Variants in EIF4ENIF1 observed in about 807,000 individuals in gnomAD.
EIF4ENIF1 encodes eukaryotic translation initiation factor 4E transporter.
In EIF4ENIF1, 23 loss-of-function variants were observed where a neutral mutation model predicts 110.5. The ratio of observed to expected loss-of-function variants is 0.21; its 90% CI spans 0.15 to 0.29. EIF4ENIF1 has a LOEUF of 0.29. EIF4ENIF1 is among the 10% of genes least tolerant of loss of function. EIF4ENIF1 has a pLI of 1.00. For synonymous variants in EIF4ENIF1, 440 were observed against 437.0 expected, an observed-to-expected ratio of 1.01 and a Z score of -0.09; for missense variants, 1,031 against 1,221.1, an observed-to-expected ratio of 0.84 and a Z score of 2.32.
At chr22:31,473,099 A>C (rs559291654) in intron 2 of EIF4ENIF1, among the ~76,000 whole-genome samples, 2 of 148,112 alleles carry the variant, frequency 1.4e-5, no homozygotes, top group African/African-American at 5.0e-5. Context: ...AGTAAATTGC[A>C]TAAGTCATGA....
At position 31,463,702 on chromosome 22, in the gene EIF4ENIF1, G is replaced by C. The variant is rs746035214; in HGVS notation, c.564C>G (p.Asp188Glu). The part of the protein sequence containing the change: ...RDLRDRDRER[D>E]FKDKRFRREF... ...AAACCCTGAAACGCTTGTCCTTGAA[G>C]TCCCTCTCTCGGTCTCTGTCTCTCA... Residue 188 changes from aspartate (D) to glutamate (E), a missense_variant, in exon 5 of 19, where the codon GAC becomes GAG. Asp to Glu is a conservative substitution (Grantham distance 45). Transcript: ENST00000330125. 6.4e-7 allele frequency: 1 copy of C among 1,569,710 alleles called. No individual in the cohort carries two copies. The highest frequency in any genetic ancestry group is 2.3e-5 in the East Asian group (1 of 43,866).
In EIF4ENIF1 at chr22:31,441,730, T is replaced by C. The variant is rs1251110385; in HGVS notation, c.2551+44A>G. The C allele has an allele frequency of 3.3e-6, 5 of 1,513,088 alleles. No homozygotes were observed. The African/African-American group carries it at 4.1e-5, about 12-fold the overall frequency. The allele number at this position is 1,513,088 out of a possible 1,614,324, so 93.7% of individuals were successfully genotyped here. On this transcript the variant is annotated intron_variant, in intron 17 of 18. Coordinates refer to ENST00000330125, the MANE Select transcript of EIF4ENIF1 (RefSeq NM_019843.4). ...TTCATCAGTGCCAACAATTGTCCCCTAGGCCCACAAACTGACGACACCCAA... is the reference window on the plus strand; with the variant it reads ...TTCATCAGTGCCAACAATTGTCCCCCAGGCCCACAAACTGACGACACCCAA...
chr22:31,467,552 C>T (rs1434846705), intron 4 of EIF4ENIF1, among the ~76,000 whole-genome samples: 3 of 152,048 alleles, frequency 2.0e-5, no homozygotes, highest in South Asian at 2.1e-4. Context: ...AGGCCGGGCG[C>T]AGTGGCTCAT....
chr22:31,442,122 T>A lies in EIF4ENIF1; in HGVS notation c.2207-4A>T, dbSNP rs779070169. ...GAGCTGGATGACAGGAGGTTTTCTGTGAGGAACCAAACAAAAAATATTTTG... is the reference window on the plus strand; with the variant it reads ...GAGCTGGATGACAGGAGGTTTTCTGAGAGGAACCAAACAAAAAATATTTTG... On this transcript the variant is annotated splice_region_variant and splice_polypyrimidine_tract_variant and intron_variant, in intron 16 of 18. Transcript: ENST00000330125. The A allele has an allele frequency of 6.3e-7, 1 of 1,593,936 alleles. No individual in the cohort carries two copies. The highest frequency in any genetic ancestry group is 8.6e-7 in the Non-Finnish European group (1 of 1,167,680).
chr22:31,468,888 C>T (rs1318246446), intron 3 of EIF4ENIF1, among the ~76,000 whole-genome samples: 6 of 152,206 alleles, frequency 3.9e-5, no homozygotes, highest in African/African-American at 1.4e-4. Flanking sequence ...ACATGGATTA[C>T]AATAACTACG....
chr22:31,441,307 G>A (rs1484702576), intron 17 of EIF4ENIF1, among the ~76,000 whole-genome samples: 1 of 152,084 alleles, frequency 6.6e-6, no homozygotes, highest in Admixed American at 6.6e-5. Context: ...GGAGGCCGAT[G>A]TGGGTGGACT....
In EIF4ENIF1 at chr22:31,454,228, C is replaced by A. The variant is rs1274655612; in HGVS notation, c.1428G>T (p.Lys476Asn). 1 of 1,614,162 alleles carries A rather than the reference C, an allele frequency of 6.2e-7. No homozygotes were observed. The highest frequency in any genetic ancestry group is 1.3e-5 in the African/African-American group (1 of 75,030). The change falls in exon 10 of 19, where the codon AAG becomes AAT. Residue 476 changes from lysine to asparagine, a missense_variant. This residue lies in a region of EIF4ENIF1 where 704 missense variants were observed against 879.7 expected (regional missense o/e 0.80). Transcript: ENST00000330125. ...TGAACGCAGTCATGTCTCCGTCTTT[C>A]TTCAGTTGTCGATTGTTGGTTACGG... ...LSAVTNNRQL[K>N]KDGDMTAFNK...
intron 4 of EIF4ENIF1, among the ~76,000 whole-genome samples, chr22:31,465,597 T>C (rs1204254961): frequency 6.6e-6 from 1 of 152,190 alleles, no homozygotes; most frequent in Admixed American, 6.6e-5. Context: ...TACAACTACT[T>C]TGGAAAACAG....
intron 10 of EIF4ENIF1, 90 bp from the exon 11 acceptor site, chr22:31,450,450 C>T: frequency 9.8e-7 from 1 of 1,016,496 alleles, no homozygotes; most frequent in Non-Finnish European, 1.5e-6. Flanking sequence ...ATAAAATACT[C>T]CTAGGGAGTT....
rs1010630857 is a variant in EIF4ENIF1 at position 31,439,841 on chromosome 22, C to T, written c.*39G>A. ...TGAAGCAGGGTCCTGCCCAGTGTGC[C>T]ACCACAGGTCCGGGCTTAGTTGAGT... On this transcript the variant is annotated 3_prime_UTR_variant, in exon 19 of 19. Transcript: ENST00000330125. 24 of 1,603,512 alleles carry T rather than the reference C, an allele frequency of 1.5e-5. No homozygotes were observed. The highest frequency in any genetic ancestry group is 2.0e-5 in the Non-Finnish European group (23 of 1,178,560).
chr22:31,480,827 G>C lies in EIF4ENIF1; in HGVS notation c.96+7796C>G, dbSNP rs140962829. On this transcript the variant is annotated intron_variant, in intron 2 of 18. Coordinates refer to ENST00000330125, the MANE Select transcript of EIF4ENIF1 (RefSeq NM_019843.4). The stretch of plus-strand genomic sequence containing the variant: ...CGTCTGTAACCCCAGCACTTTAGGA[G>C]ACCAAGGTGGGCAGATCACTTGAGG... Among the ~76,000 whole-genome samples the C allele has an allele frequency of 2.8e-3, 422 of 152,218 alleles. 2 individuals carry two copies. The highest frequency in any genetic ancestry group is 9.9e-3 in the African/African-American group (411 of 41,540).
chr22:31,491,844 T>A (rs1367616355), upstream of EIF4ENIF1, among the ~76,000 whole-genome samples: 1 of 152,204 alleles, frequency 6.6e-6, no homozygotes, highest in Non-Finnish European at 1.5e-5. Context: ...CACCTGAGCT[T>A]TCTTGAAAAA....
rs151075607 is a variant in EIF4ENIF1 at position 31,462,206 on chromosome 22, G to A, written c.787+726C>T. Among the ~76,000 whole-genome samples, 661 of 152,214 alleles carry A rather than the reference G, an allele frequency of 4.3e-3. 1 individual carries two copies. Among genetic ancestry groups the A allele is most frequent in the African/African-American group, 0.015 (641 of 41,550 alleles). ...CTCACTTAAGCAGTTGCAGGGGCTG[G>A]GCATGGTGGCTCACACCTATAATCC... On this transcript the variant is annotated intron_variant, in intron 6 of 18. Coordinates refer to ENST00000330125, the MANE Select transcript of EIF4ENIF1 (RefSeq NM_019843.4).
intron 6 of EIF4ENIF1, among the ~76,000 whole-genome samples, chr22:31,462,613 G>A (rs868073701): frequency 3.1e-4 from 47 of 152,092 alleles, no homozygotes; most frequent in African/African-American, 1.0e-3. Context: ...TTTTGAGACA[G>A]TCTTGCTCTG....
In EIF4ENIF1 at chr22:31,455,976, A is replaced by G; in HGVS notation, c.975T>C (p.Asp325=). The G allele has an allele frequency of 6.2e-7, 1 of 1,613,750 alleles. No homozygotes were observed. The highest frequency in any genetic ancestry group is 8.5e-7 in the Non-Finnish European group (1 of 1,179,916). ...KVPCLASMIE[D]VLGEGSVSAS... ...CAGAGACTGACCCTTCTCCCAAAAC[A>G]TCTTCTATCATCTGAAGAAAAAGAC... The change falls in exon 8 of 19, where the codon GAT becomes GAC. Residue 325 remains aspartate (D), a synonymous_variant. Coordinates refer to ENST00000330125, the MANE Select transcript of EIF4ENIF1 (RefSeq NM_019843.4).
At chr22:31,440,957 G>T (rs1443763020) in intron 17 of EIF4ENIF1, 89 bp from the exon 18 acceptor site, 34 of 1,537,718 alleles carry the variant, frequency 2.2e-5, no homozygotes, top group Non-Finnish European at 2.6e-5. Flanking sequence ...TGATCTGGAA[G>T]TTTGTTAAGA....
intron 8 of EIF4ENIF1, 70 bp from the exon 9 acceptor site, chr22:31,455,385 TTC>T: frequency 7.9e-7 from 1 of 1,259,558 alleles, no homozygotes. Context: ...GACAGTATTT[TTC>T]TTTCTTTCTT....
chr22:31,488,645 T>A lies in EIF4ENIF1; in HGVS notation c.74A>T (p.Lys25Ile). The A allele has an allele frequency of 6.2e-7, 1 of 1,614,148 alleles. No individual in the cohort carries two copies. Among genetic ancestry groups the A allele is most frequent in the Non-Finnish European group, 8.5e-7 (1 of 1,180,016 alleles). The change falls in exon 2 of 19, where the codon AAA (lysine) becomes ATA (isoleucine). Residue 25 changes from lysine to isoleucine, a missense_variant. Physicochemically the swap from Lys to Ile is moderately radical, Grantham distance 102. Around this residue, in one of 3 missense-constraint regions of EIF4ENIF1, gnomAD observed 704 missense variants for 879.7 expected, o/e 0.80. Transcript: ENST00000330125. Reference sequence around the variant, plus strand: ...TACTTTTGTATAGCGATGGGGGCATTTGGAGGCAGGAGGCTTCTTCAGGTC... The same window carrying A: ...TACTTTTGTATAGCGATGGGGGCATATGGAGGCAGGAGGCTTCTTCAGGTC... ...FLDLKKPPAS[K>I]CPHRYTKEEL...
intron 7 of EIF4ENIF1, among the ~76,000 whole-genome samples, chr22:31,456,190 C>T (rs887321917): frequency 6.6e-6 from 1 of 151,698 alleles, no homozygotes; most frequent in Non-Finnish European, 1.5e-5. Flanking sequence ...TGAGTATAAC[C>T]ATCTACTTAC....
Sources: allele counts gnomAD v4.1 joint callset (sites outside exome capture counted in the v4.1 genomes callset), GRCh38; gene constraint gnomAD v4.1.1; regional missense constraint gnomAD v4.1.1; transcripts MANE v1.5; gene names NCBI Gene and HGNC (gene_info 2026-07-23, HGNC 2026-07-21).